SULF2: variants seen among roughly 807,000 people sequenced by gnomAD.
SULF2 encodes extracellular sulfatase Sulf-2.
In SULF2, 52 loss-of-function variants were observed where a neutral mutation model predicts 107.7. That is an observed-to-expected ratio of 0.48 (90% CI 0.39 to 0.61). SULF2 has a LOEUF of 0.61. SULF2 is among the 20% of genes least tolerant of loss of function. The pLI, the probability that SULF2 is intolerant of heterozygous loss-of-function variation, is 0.00. For synonymous variants in SULF2, 460 were observed against 464.3 expected (o/e 0.99, Z 0.12); for missense variants, 993 against 1,177.3 (o/e 0.84, Z 2.29).
chr20:47,744,946 A>T (rs147361902), intron 2 of SULF2, among the ~76,000 whole-genome samples: 1 of 152,092 alleles, frequency 6.6e-6, no homozygotes. Context: ...GTGTGTGTGT[A>T]TAACACACAC....
At chr20:47,780,820 C>T (rs1600702059) in intron 1 of SULF2, among the ~76,000 whole-genome samples, 1 of 152,202 alleles carries the variant, frequency 6.6e-6, no homozygotes, top group East Asian at 1.9e-4. Flanking sequence ...TCTCAAAGTG[C>T]TGGGATTATA....
chr20:47,662,629 T>G (rs900491171), intron 17 of SULF2, among the ~76,000 whole-genome samples: 2 of 152,164 alleles, frequency 1.3e-5, no homozygotes, highest in African/African-American at 4.8e-5. Context: ...GCCACTTCAG[T>G]CGCATGTGTG....
At chr20:47,708,445 T>G (rs1458110071) in intron 3 of SULF2, among the ~76,000 whole-genome samples, 1 of 151,802 alleles carries the variant, frequency 6.6e-6, no homozygotes, top group East Asian at 1.9e-4. Flanking sequence ...TCATGAGGAG[T>G]GGCAGGGTTC....
chr20:47,669,788 A>G (rs1401697798), intron 11 of SULF2, among the ~76,000 whole-genome samples: 1 of 152,174 alleles, frequency 6.6e-6, no homozygotes, highest in Non-Finnish European at 1.5e-5. Context: ...GCTGACTCTC[A>G]GCTACTTTTA....
intron 5 of SULF2, among the ~76,000 whole-genome samples, chr20:47,689,142 TA>T (rs2088112372): frequency 6.6e-6 from 1 of 152,166 alleles, no homozygotes; most frequent in African/African-American, 2.4e-5. Flanking sequence ...TAAGTTACCT[TA>T]CCTCTCTGTG....
At chr20:47,664,211 C>G (rs768560678) in intron 14 of SULF2, 22 bp from the exon 15 acceptor site, 1 of 1,607,038 alleles carries the variant, frequency 6.2e-7, no homozygotes, top group South Asian at 1.1e-5. Flanking sequence ...CCCCCCAGCC[C>G]CAGGCTTCAG....
rs747517854 is a variant in SULF2 at position 47,683,179 on chromosome 20, G to A, written c.889-10C>T. On this transcript the variant is annotated splice_polypyrimidine_tract_variant and intron_variant, in intron 6 of 20. Transcript: ENST00000688720. ...CCAGCATGTTGTAAATCTGCAACAC[G>A]GGCGAGGAGGCAAGGGACAGTGGGG... 40 of 1,584,456 alleles carry A rather than the reference G, an allele frequency of 2.5e-5. No individual in the cohort carries two copies. Among genetic ancestry groups the A allele is most frequent in the Non-Finnish European group, 2.8e-5 (32 of 1,158,762 alleles).
chr20:47,664,283 G>A (rs1450813527), intron 14 of SULF2, 94 bp from the exon 15 acceptor site: 1 of 1,261,670 alleles, frequency 7.9e-7, no homozygotes, highest in African/African-American at 1.5e-5. Context: ...CCCATGTGTT[G>A]CTGCTGCCCC....
In SULF2 at chr20:47,658,147, A is replaced by G. The variant is rs975922728; in HGVS notation, c.*215T>C. On this transcript the variant is annotated 3_prime_UTR_variant, in exon 21 of 21. Transcript: ENST00000688720. ...TGTGCAGCTGGTGAGGTATAATCCA[A>G]AGCAAAAGCAGGGGCAAAAATGGAC... 16 of 606,470 alleles carry G rather than the reference A, an allele frequency of 2.6e-5. No individual in the cohort carries two copies. The Admixed American group carries it at 3.1e-4, about 12-fold the overall frequency. The allele number at this position is 606,470 out of a possible 1,614,324, so 37.6% of individuals were successfully genotyped here.
chr20:47,777,756 G>A (rs182581914), intron 1 of SULF2, among the ~76,000 whole-genome samples: 3 of 152,212 alleles, frequency 2.0e-5, no homozygotes, highest in East Asian at 1.9e-4. Context: ...TATCTGTCTC[G>A]AGAGCAGACC....
intron 1 of SULF2, among the ~76,000 whole-genome samples, chr20:47,765,379 A>AC (rs1600677368): frequency 2.0e-5 from 3 of 151,766 alleles, no homozygotes; most frequent in South Asian, 2.1e-4. Context: ...AACAAAAAAA[A>AC]AAAAACAGGA....
At chr20:47,672,676 G>GA (rs1205010472) in intron 10 of SULF2, 2 of 442,828 alleles carry the variant, frequency 4.5e-6, no homozygotes, top group Non-Finnish European at 6.0e-6. Flanking sequence ...GCAGCTAGAG[G>GA]AATCTTTTTA....
Position 47,760,707 on chromosome 20 carries a change from C to T in SULF2, c.-100-3244G>A, listed in dbSNP as rs138688799. Among the ~76,000 whole-genome samples, 242 of 152,296 alleles carry T rather than the reference C, an allele frequency of 1.6e-3. 1 individual carries two copies. The highest frequency in any genetic ancestry group is 5.6e-3 in the African/African-American group (231 of 41,562). ...TCCCCTGGGAGCAGGAAGCAGGCTC[C>T]GCTCAATGCCTCCTTCCCAGGTGGC... On this transcript the variant is annotated intron_variant, in intron 1 of 20. Coordinates refer to ENST00000688720, the MANE Select transcript of SULF2 (RefSeq NM_001387048.1).
At chr20:47,667,492 G>GC (rs1568786968) in intron 11 of SULF2, among the ~76,000 whole-genome samples, 237 of 152,252 alleles carry the variant, frequency 1.6e-3, no homozygotes, top group African/African-American at 5.2e-3. Context: ...CGGTGATGTA[G>GC]GGATCCAGAT....
intron 1 of SULF2, among the ~76,000 whole-genome samples, chr20:47,765,271 C>T (rs1040066393): frequency 4.0e-5 from 6 of 151,446 alleles, no homozygotes; most frequent in African/African-American, 9.7e-5. Flanking sequence ...AGGAGAATAG[C>T]GTGAACTCAG....
At chr20:47,768,375 T>C (rs76097894) in intron 1 of SULF2, among the ~76,000 whole-genome samples, 1,570 of 152,342 alleles carry the variant, frequency 0.01, 13 homozygotes, top group Middle Eastern at 0.024. Context: ...TGTAGGTCAG[T>C]TTCCCCATAC....
At chr20:47,729,276 A>C (rs1389520852) in intron 3 of SULF2, among the ~76,000 whole-genome samples, 4 of 152,138 alleles carry the variant, frequency 2.6e-5, no homozygotes, top group Non-Finnish European at 5.9e-5. Context: ...AGAGAAGGGA[A>C]GGATCACTGG....
At chr20:47,676,470 T>G in intron 10 of SULF2, 24 bp downstream of exon 10, 1 of 1,602,480 alleles carries the variant, frequency 6.2e-7, no homozygotes, top group Non-Finnish European at 8.5e-7. Flanking sequence ...GGGGAGCCGT[T>G]GGGAGGGAAG....
At chr20:47,718,767 G>A (rs972335167) in intron 3 of SULF2, among the ~76,000 whole-genome samples, 2 of 152,200 alleles carry the variant, frequency 1.3e-5, no homozygotes, top group African/African-American at 4.8e-5. Flanking sequence ...GGGAGGGGCA[G>A]AGTTGGGGAT....
Sources: allele counts gnomAD v4.1 joint callset (sites outside exome capture counted in the v4.1 genomes callset), GRCh38; gene constraint gnomAD v4.1.1; transcripts MANE v1.5; gene names NCBI Gene and HGNC (gene_info 2026-07-23, HGNC 2026-07-21).